Variants in RNF169 observed in about 807,000 individuals in gnomAD.
RNF169 encodes the protein ring finger protein 169.
Under a neutral mutation model 53.9 loss-of-function variants are expected in RNF169, and 24 were observed. The observed-to-expected ratio is 0.45, with a 90% CI of 0.32 to 0.63. RNF169 has a LOEUF of 0.63. Among genes scored for constraint, RNF169 ranks in the 20% least tolerant of loss-of-function variants. RNF169 has a pLI of 0.04. For synonymous variants in RNF169, 396 were observed against 363.5 expected (o/e 1.09, Z -1.02); for missense variants, 883 against 906.2 (o/e 0.97, Z 0.33).
intron 2 of RNF169, among the ~76,000 whole-genome samples, chr11:74,795,352 T>G (rs1435446445): frequency 6.6e-6 from 1 of 151,614 alleles, no homozygotes; most frequent in South Asian, 2.1e-4. Flanking sequence ...CCCAAGTAGC[T>G]GAGATTACAG....
chr11:74,772,156 A>C (rs1324957299), intron 1 of RNF169, among the ~76,000 whole-genome samples: 1 of 146,514 alleles, frequency 6.8e-6, no homozygotes, highest in Non-Finnish European at 1.5e-5. Flanking sequence ...CCTTTGCCTG[A>C]TCTAAGGGAA....
intron 2 of RNF169, among the ~76,000 whole-genome samples, chr11:74,799,444 A>T (rs914918669): frequency 7.9e-5 from 12 of 152,228 alleles, no homozygotes; most frequent in African/African-American, 2.2e-4. Context: ...AGAAAAGAAC[A>T]CACTTGGAGC....
intron 2 of RNF169, among the ~76,000 whole-genome samples, chr11:74,800,597 A>G (rs74675048): frequency 0.023 from 3,487 of 152,296 alleles, 150 homozygotes; most frequent in African/African-American, 0.079. Flanking sequence ...GTATATAAGT[A>G]TTATTAATAT....
intron 4 of RNF169, among the ~76,000 whole-genome samples, chr11:74,823,738 G>GAAAAA (rs35164191): frequency 1.9e-5 from 2 of 105,774 alleles, no homozygotes; most frequent in Non-Finnish European, 3.9e-5. Context: ...CCCTGTCTCA[G>GAAAAA]AAAAAAAAAA....
At chr11:74,777,586 C>A (rs978347564) in intron 1 of RNF169, among the ~76,000 whole-genome samples, 9 of 152,004 alleles carry the variant, frequency 5.9e-5, no homozygotes, top group Non-Finnish European at 1.0e-4. Flanking sequence ...CAACAAGAAA[C>A]CTTATTCACT....
chr11:74,789,272 G>GA (rs971563856), intron 1 of RNF169, among the ~76,000 whole-genome samples: 18 of 152,034 alleles, frequency 1.2e-4, no homozygotes, highest in African/African-American at 3.9e-4. Context: ...GAAATGCAGG[G>GA]AAAAAAATAA....
chr11:74,794,430 G>T (rs1411451793), intron 2 of RNF169, among the ~76,000 whole-genome samples: 1 of 152,202 alleles, frequency 6.6e-6, no homozygotes, highest in African/African-American at 2.4e-5. Flanking sequence ...CAATGGATCG[G>T]AAACTTTGAT....
At chr11:74,759,519 AG>A (rs1164541928) in intron 1 of RNF169, among the ~76,000 whole-genome samples, 1 of 139,526 alleles carries the variant, frequency 7.2e-6, no homozygotes, top group Non-Finnish European at 1.5e-5. Flanking sequence ...TTTAGCATGA[AG>A]GGTTGTTGAA....
intron 4 of RNF169, chr11:74,831,061 G>A (rs941665151): frequency 1.3e-5 from 2 of 152,172 alleles, no homozygotes; most frequent in African/African-American, 4.8e-5. Flanking sequence ...AGTGGTGAAA[G>A]AGAAAACTTT....
intron 4 of RNF169, among the ~76,000 whole-genome samples, chr11:74,819,215 T>C (rs1188093141): frequency 6.6e-6 from 1 of 152,176 alleles, no homozygotes; most frequent in African/African-American, 2.4e-5. Context: ...ATTTTTATCT[T>C]CTCTTGGAAC....
rs1193616199 is a variant in RNF169 at position 74,834,779 on chromosome 11, C to A, written c.942+4C>A. 1 of 1,609,072 alleles carries A rather than the reference C, an allele frequency of 6.2e-7. No individual in the cohort carries two copies. The highest frequency in any genetic ancestry group is 1.7e-5 in the Admixed American group (1 of 59,688). ...AGTTCCAGGCAACAAAGCCAAGGTA[C>A]ACCTCAGCCACAGACCTCCGGGGCT... On this transcript the variant is annotated splice_donor_region_variant and intron_variant, in intron 5 of 5. Transcript: ENST00000299563.
At chr11:74,772,846 A>T (rs749908264) in intron 1 of RNF169, among the ~76,000 whole-genome samples, 3 of 152,192 alleles carry the variant, frequency 2.0e-5, no homozygotes, top group Non-Finnish European at 2.9e-5. Flanking sequence ...CATGTGTTTG[A>T]TCATGAACTG....
rs189848433 is a variant in RNF169, at chr11:74,824,956, T to A, written c.842+7242T>A. 1.1e-3 allele frequency among the ~76,000 whole-genome samples: 170 copies of A among 152,318 alleles called. 1 individual carries two copies. Among genetic ancestry groups the A allele is most frequent in the Admixed American group, 3.0e-3 (46 of 15,302 alleles). Reference sequence around the variant, plus strand: ...ACTTAAAAAAGAAATGATTGAGATATATGCTGAGACACACCTTAGATCCAA... The same window carrying A: ...ACTTAAAAAAGAAATGATTGAGATAAATGCTGAGACACACCTTAGATCCAA... On this transcript the variant is annotated intron_variant, in intron 4 of 5. Coordinates refer to ENST00000299563, the MANE Select transcript of RNF169 (RefSeq NM_001098638.2).
chr11:74,822,976 G>C (rs561520914), intron 4 of RNF169, among the ~76,000 whole-genome samples: 1 of 152,126 alleles, frequency 6.6e-6, no homozygotes, highest in South Asian at 2.1e-4. Flanking sequence ...TTTTTTTTTA[G>C]TGAGATTATT....
At chr11:74,811,295 G>A (rs1327110505) in intron 3 of RNF169, among the ~76,000 whole-genome samples, 1 of 152,166 alleles carries the variant, frequency 6.6e-6, no homozygotes, top group Non-Finnish European at 1.5e-5. Flanking sequence ...AGGCTGGAGT[G>A]CAGGGGTGTG....
intron 1 of RNF169, among the ~76,000 whole-genome samples, chr11:74,762,669 A>G (rs1374649812): frequency 2.0e-5 from 3 of 152,226 alleles, no homozygotes; most frequent in African/African-American, 7.2e-5. Context: ...TACAGGAAAG[A>G]TAGGAAAATC....
intron 2 of RNF169, 37 bp from the exon 3 acceptor site, chr11:74,810,147 C>A: frequency 6.4e-7 from 1 of 1,571,192 alleles, no homozygotes. Flanking sequence ...TTTAGAGTTG[C>A]CTAAAACTAC....
chr11:74,779,815 C>T (rs1367774292), intron 1 of RNF169, among the ~76,000 whole-genome samples: 1 of 151,998 alleles, frequency 6.6e-6, no homozygotes, highest in Non-Finnish European at 1.5e-5. Context: ...AGTGGTTGTT[C>T]AAGGTTTAGT....
chr11:74,821,358 G>A (rs1565185578), intron 4 of RNF169, among the ~76,000 whole-genome samples: 1 of 152,106 alleles, frequency 6.6e-6, no homozygotes, highest in African/African-American at 2.4e-5. Flanking sequence ...CTAGCCATCA[G>A]TAAAAGAATA....
Sources: allele counts gnomAD v4.1 joint callset (sites outside exome capture counted in the v4.1 genomes callset), GRCh38; gene constraint gnomAD v4.1.1; transcripts MANE v1.5; gene names NCBI Gene and HGNC (gene_info 2026-07-23, HGNC 2026-07-21).